RCHY1: variants seen among roughly 807,000 people sequenced by gnomAD.
RCHY1 encodes the protein ring finger and CHY zinc finger domain containing 1.
Under a neutral mutation model 41.6 loss-of-function variants are expected in RCHY1, and 21 were observed. The ratio of observed to expected loss-of-function variants is 0.51; its 90% confidence interval spans 0.36 to 0.73. RCHY1 has a LOEUF of 0.73. Ranked by LOEUF, RCHY1 falls within the 30% of genes least tolerant of loss-of-function variation. The pLI, the probability that RCHY1 is intolerant of heterozygous loss-of-function variation, is 0.00. For synonymous variants in RCHY1, 79 were observed against 102.9 expected, an observed-to-expected ratio of 0.77 and a Z score of 1.41; for missense variants, 265 against 325.3, an observed-to-expected ratio of 0.81 and a Z score of 1.43.
chr4:75,506,765 G>A (rs1724358098), intron 3 of RCHY1, among the ~76,000 whole-genome samples: 1 of 151,882 alleles, frequency 6.6e-6, no homozygotes, highest in Non-Finnish European at 1.5e-5. Flanking sequence ...AAAATTGACA[G>A]AAGACATCAA....
chr4:75,497,348 CCAAT>C (rs911525468), intron 3 of RCHY1, among the ~76,000 whole-genome samples: 11 of 152,126 alleles, frequency 7.2e-5, no homozygotes, highest in Non-Finnish European at 4.4e-5. Flanking sequence ...TACTCTAGTA[CCAAT>C]CAATCACCAA....
At chr4:75,488,634 T>C (rs1037728111) in intron 8 of RCHY1, among the ~76,000 whole-genome samples, 4 of 152,202 alleles carry the variant, frequency 2.6e-5, no homozygotes, top group African/African-American at 9.6e-5. Flanking sequence ...CCAAGTCAAA[T>C]TACCTATAAT....
rs1578220960 is a variant in RCHY1 at position 75,496,632 on chromosome 4, T to C, written c.327-2453A>G. On this transcript the variant is annotated intron_variant, in intron 3 of 8. Transcript: ENST00000324439. ...TCCGGGTGGAGTATTCAGAAGGATATTGCCTCAACAGTGGAGAATAGCCCT... is the reference window on the plus strand; with the variant it reads ...TCCGGGTGGAGTATTCAGAAGGATACTGCCTCAACAGTGGAGAATAGCCCT... Among the ~76,000 whole-genome samples the C allele has an allele frequency of 2.6e-5, 4 of 152,096 alleles. No individual in the cohort carries two copies. In the South Asian group the frequency reaches 8.3e-4, roughly 31 times the overall value.
intron 8 of RCHY1, among the ~76,000 whole-genome samples, chr4:75,483,987 C>T (rs1220003969): frequency 1.3e-5 from 2 of 152,162 alleles, no homozygotes; most frequent in African/African-American, 4.8e-5. Flanking sequence ...GGCACAGAAA[C>T]AACCTTTTAT....
At chr4:75,495,458 T>C (rs1295642281) in intron 3 of RCHY1, among the ~76,000 whole-genome samples, 2 of 152,036 alleles carry the variant, frequency 1.3e-5, no homozygotes, top group African/African-American at 4.8e-5. Flanking sequence ...TTCAGAACTG[T>C]CCTGAATAAA....
chr4:75,495,974 TATC>T (rs1723169075), intron 3 of RCHY1, among the ~76,000 whole-genome samples: 1 of 152,148 alleles, frequency 6.6e-6, no homozygotes, highest in Admixed American at 6.6e-5. Flanking sequence ...ACTATAGCTT[TATC>T]ATGTTTTGAT....
intron 3 of RCHY1, chr4:75,494,383 TTTTC>T (rs1722999686): frequency 2.3e-6 from 1 of 434,082 alleles, no homozygotes; most frequent in Non-Finnish European, 4.1e-6. Context: ...TAGGGCTTTT[TTTTC>T]TTTTTCTATA....
In RCHY1 at chr4:75,508,823, C is replaced by A; in HGVS notation, c.323G>T (p.Cys108Phe). 2 of 1,579,996 alleles carry A rather than the reference C, an allele frequency of 1.3e-6. No homozygotes were observed. Among genetic ancestry groups the A allele is most frequent in the East Asian group, 2.2e-5 (1 of 44,496 alleles). Residue 108 changes from cysteine to phenylalanine, a missense_variant, in exon 3 of 9, where the codon TGT (cysteine) becomes TTT (phenylalanine). Physicochemically the swap from Cys to Phe is radical, Grantham distance 205 (BLOSUM62 -2). Coordinates refer to ENST00000324439, the MANE Select transcript of RCHY1 (RefSeq NM_015436.4). Reference protein sequence around the residue: ...KQYHCENCGICRIGPKEDFFH... With the variant: ...KQYHCENCGIFRIGPKEDFFH... ...AAGAACACTTTACATACAGTACCTA[C>A]AAATTCCACAGTTTTCACAGTGATA...
intron 7 of RCHY1, 110 bp downstream of exon 7, chr4:75,491,501 T>C (rs1722745330): frequency 1.1e-6 from 1 of 932,714 alleles, no homozygotes; most frequent in Non-Finnish European, 1.6e-6. Context: ...TCAATATAAA[T>C]ATTGCCATGC....
intron 3 of RCHY1, among the ~76,000 whole-genome samples, chr4:75,501,601 C>T (rs1050953878): frequency 1.3e-5 from 2 of 152,182 alleles, no homozygotes; most frequent in Non-Finnish European, 2.9e-5. Flanking sequence ...TTGTCTATAA[C>T]GTGAGTCACA....
Position 75,479,966 on chromosome 4 carries a change from C to A in RCHY1, c.*2572G>T, listed in dbSNP as rs1721395727. ...ACCTTCTTTCTTATAGAGGTATAAC[C>A]TATACTTATGAAGTCAGAGAAAGAA... On this transcript the variant is annotated 3_prime_UTR_variant, in exon 9 of 9. Transcript: ENST00000324439. 6.6e-6 allele frequency: 1 copy of A among 151,972 alleles called. No homozygotes were observed. The highest frequency in any genetic ancestry group is 1.5e-5 in the Non-Finnish European group (1 of 67,988). The allele number at this position is 151,972 out of a possible 1,614,324, so 9.4% of individuals were successfully genotyped here.
chr4:75,494,010 A>C (rs1722967613), intron 4 of RCHY1, 91 bp downstream of exon 4: 1 of 755,566 alleles, frequency 1.3e-6, no homozygotes, highest in African/African-American at 1.9e-5. Flanking sequence ...GAAATACATG[A>C]AAATTAGCAT....
At chr4:75,503,423 A>G (rs1723980105) in intron 3 of RCHY1, among the ~76,000 whole-genome samples, 1 of 152,220 alleles carries the variant, frequency 6.6e-6, no homozygotes, top group Non-Finnish European at 1.5e-5. Flanking sequence ...GTGGCCAGGC[A>G]CAGTGGCTCA....
At chr4:75,485,184 A>G (rs1193500604) in intron 8 of RCHY1, among the ~76,000 whole-genome samples, 6 of 152,238 alleles carry the variant, frequency 3.9e-5, no homozygotes, top group Non-Finnish European at 8.8e-5. Flanking sequence ...AGGCATGGAC[A>G]TGGACACTAA....
chr4:75,510,813 A>G (rs543653522), intron 1 of RCHY1, among the ~76,000 whole-genome samples: 1 of 152,302 alleles, frequency 6.6e-6, no homozygotes, highest in Admixed American at 6.5e-5. Flanking sequence ...AACATAAATA[A>G]CATGTTTTAA....
chr4:75,503,093 T>G (rs2148758732), intron 3 of RCHY1, among the ~76,000 whole-genome samples: 1 of 152,330 alleles, frequency 6.6e-6, no homozygotes, highest in South Asian at 2.1e-4. Flanking sequence ...CAGATAATAC[T>G]TTGTAGCAGG....
chr4:75,508,374 G>T (rs1724537003), intron 3 of RCHY1, among the ~76,000 whole-genome samples: 1 of 151,958 alleles, frequency 6.6e-6, no homozygotes, highest in Admixed American at 6.6e-5. Flanking sequence ...CTGTGGTTAG[G>T]CTCTGGTTAT....
chr4:75,514,320 T>A lies in RCHY1; in HGVS notation c.-34A>T. On this transcript the variant is annotated 5_prime_UTR_variant, in exon 1 of 9. Coordinates refer to ENST00000324439, the MANE Select transcript of RCHY1 (RefSeq NM_015436.4). Reference sequence around the variant, plus strand: ...CCTCCCCTCACATTCCACCGATCCTTCCCCCAGGATAAAAACCACGCCCAG... The same window carrying A: ...CCTCCCCTCACATTCCACCGATCCTACCCCCAGGATAAAAACCACGCCCAG... 1 of 1,590,900 alleles carries A rather than the reference T, an allele frequency of 6.3e-7. No homozygotes were observed. The highest frequency in any genetic ancestry group is 1.1e-5 in the South Asian group (1 of 89,984).
At chr4:75,491,808 T>C (rs1578214205) in intron 5 of RCHY1, 26 bp from the exon 6 acceptor site, 1 of 1,610,066 alleles carries the variant, frequency 6.2e-7, no homozygotes. Flanking sequence ...ATGTTAGTGC[T>C]TGTATGAAGA....
Sources: allele counts gnomAD v4.1 joint callset (sites outside exome capture counted in the v4.1 genomes callset), GRCh38; gene constraint gnomAD v4.1.1; transcripts MANE v1.5; gene names NCBI Gene and HGNC (gene_info 2026-07-23, HGNC 2026-07-21).